GPALPP1: variants seen among roughly 807,000 people sequenced by gnomAD.
GPALPP1 encodes the protein GPALPP motifs containing 1.
A neutral mutation model predicts 38.9 loss-of-function variants in GPALPP1; 30 were observed. The ratio of observed to expected loss-of-function variants is 0.77; its 90% confidence interval spans 0.58 to 1.05. GPALPP1 has a LOEUF of 1.05. Ranked by LOEUF, GPALPP1 falls within the 50% of genes least tolerant of loss-of-function variation. The probability of loss-of-function intolerance (pLI) is 0.00; values close to 1 mark genes in which losing one functional copy is unlikely to be tolerated. For missense variants in GPALPP1, 384 were observed against 408.8 expected, an observed-to-expected ratio of 0.94 and a Z score of 0.52; for synonymous variants, 120 against 139.2, an observed-to-expected ratio of 0.86 and a Z score of 0.97.
intron 3 of GPALPP1, 72 bp downstream of exon 3, chr13:45,006,375 G>T: frequency 1.4e-6 from 1 of 725,784 alleles, no homozygotes; most frequent in Non-Finnish European, 2.3e-6. Context: ...ATGAATTAAA[G>T]AATTGTCTGA....
intron 7 of GPALPP1, among the ~76,000 whole-genome samples, chr13:45,021,730 C>A (rs542568419): frequency 2.4e-4 from 36 of 151,802 alleles, no homozygotes; most frequent in African/African-American, 8.4e-4. Flanking sequence ...AAAATGTAGA[C>A]CTGAATGACA....
At chr13:45,027,514 C>T (rs944658597) in intron 7 of GPALPP1, among the ~76,000 whole-genome samples, 2 of 152,180 alleles carry the variant, frequency 1.3e-5, no homozygotes, top group South Asian at 2.1e-4. Context: ...AAGACCAGCA[C>T]GTCTATGAAG....
intron 6 of GPALPP1, among the ~76,000 whole-genome samples, chr13:45,017,907 T>C (rs1874986782): frequency 6.6e-6 from 1 of 152,228 alleles, no homozygotes; most frequent in Non-Finnish European, 1.5e-5. Flanking sequence ...ACAAACTATA[T>C]AGTATCACAG....
At chr13:45,010,754 C>A (rs1346031860) in intron 4 of GPALPP1, among the ~76,000 whole-genome samples, 1 of 152,310 alleles carries the variant, frequency 6.6e-6, no homozygotes, top group South Asian at 2.1e-4. Context: ...GAGGCCAAGG[C>A]GGGTGGGTTG....
At chr13:44,995,996 A>G (rs764337434) in intron 1 of GPALPP1, among the ~76,000 whole-genome samples, 25 of 152,142 alleles carry the variant, frequency 1.6e-4, no homozygotes, top group Non-Finnish European at 2.6e-4. Flanking sequence ...GTAATCCCCA[A>G]TACTAGCAGG....
intron 4 of GPALPP1, among the ~76,000 whole-genome samples, chr13:45,010,295 C>T (rs1314614838): frequency 1.3e-5 from 2 of 152,126 alleles, no homozygotes; most frequent in African/African-American, 4.8e-5. Flanking sequence ...AGTTTTTTTG[C>T]TGGAATATTA....
chr13:45,004,196 G>A (rs541243255), intron 1 of GPALPP1, 109 bp from the exon 2 acceptor site: 1 of 815,492 alleles, frequency 1.2e-6, no homozygotes, highest in African/African-American at 1.7e-5. Context: ...AATAATAAAT[G>A]ATAGACAGCC....
intron 1 of GPALPP1, among the ~76,000 whole-genome samples, chr13:44,991,070 G>A (rs188591509): frequency 3.2e-4 from 49 of 151,696 alleles, no homozygotes; most frequent in African/African-American, 1.1e-3. Context: ...CCTGGGCGAC[G>A]GAACGAGAGT....
chr13:45,019,492 T>C (rs552617316), intron 6 of GPALPP1, among the ~76,000 whole-genome samples: 1 of 152,246 alleles, frequency 6.6e-6, no homozygotes, highest in East Asian at 1.9e-4. Context: ...CCTGCAACTT[T>C]GCTATACTTG....
In GPALPP1 at chr13:45,007,457, C is replaced by T. The variant is rs534069523; in HGVS notation, c.323+1154C>T. 2.2e-4 allele frequency among the ~76,000 whole-genome samples: 33 copies of T among 152,246 alleles called. No homozygotes were observed. In the South Asian group the frequency reaches 6.2e-3, roughly 29 times the overall value. On this transcript the variant is annotated intron_variant, in intron 3 of 7. Coordinates refer to ENST00000379151, the MANE Select transcript of GPALPP1 (RefSeq NM_018559.5). ...CAGTAATTTTATCACCACCAATCCC[C>T]TGAGGCCAGAAAGTTAAGCTATAAT... is the stretch of plus-strand genomic sequence containing the variant.
chr13:45,019,554 G>A lies in GPALPP1; in HGVS notation c.706-776G>A, dbSNP rs145350012. ...TAAATTCTTTGGAGTTTGCTACGCA[G>A]TTCACAGTTTGCTACACAGTGCTAG... is the stretch of plus-strand genomic sequence containing the variant. On this transcript the variant is annotated intron_variant, in intron 6 of 7. Transcript: ENST00000379151. Among the ~76,000 whole-genome samples the A allele has an allele frequency of 2.1e-3, 316 of 149,440 alleles. 2 individuals are homozygous for A. Among genetic ancestry groups the A allele is most frequent in the Admixed American group, 0.017 (252 of 15,036 alleles).
intron 1 of GPALPP1, among the ~76,000 whole-genome samples, chr13:44,994,348 C>T (rs1304924963): frequency 2.6e-5 from 4 of 151,856 alleles, no homozygotes; most frequent in East Asian, 1.9e-4. Flanking sequence ...TTTGGGAGGC[C>T]GAGGCGGGCG....
At chr13:45,020,309 T>A (rs962005365) in intron 6 of GPALPP1, 21 bp from the exon 7 acceptor site, 1 of 885,914 alleles carries the variant, frequency 1.1e-6, no homozygotes, top group South Asian at 1.4e-5. Flanking sequence ...CAGTAATGTG[T>A]TATCTGTGTT....
In GPALPP1 at chr13:44,989,608, A is replaced by T; in HGVS notation, c.-47A>T. The T allele has an allele frequency of 1.3e-6, 2 of 1,532,976 alleles. No homozygotes were observed. Among genetic ancestry groups the T allele is most frequent in the Non-Finnish European group, 1.8e-6 (2 of 1,109,222 alleles). The allele number at this position is 1,532,976 out of a possible 1,614,324, so 95.0% of individuals were successfully genotyped here. On this transcript the variant is annotated 5_prime_UTR_variant, in exon 1 of 8. Coordinates refer to ENST00000379151, the MANE Select transcript of GPALPP1 (RefSeq NM_018559.5). ...GCGGGATTCTTTTTGGATAGGGTTG[A>T]CGTTCGTGGATAGACTCATATCTGT...
chr13:45,033,002 A>C (rs979687210), downstream of GPALPP1, among the ~76,000 whole-genome samples: 1 of 150,450 alleles, frequency 6.6e-6, no homozygotes, highest in Non-Finnish European at 1.5e-5. Flanking sequence ...GCGCCACTGC[A>C]CTCCAGCCTG....
At chr13:45,004,034 G>C (rs1266287747) in intron 1 of GPALPP1, among the ~76,000 whole-genome samples, 2 of 151,656 alleles carry the variant, frequency 1.3e-5, no homozygotes, top group Non-Finnish European at 2.9e-5. Flanking sequence ...ACATGCTATT[G>C]CTATATCTAT....
downstream of GPALPP1, chr13:45,033,247 A>G (rs1289065835): frequency 6.6e-6 from 1 of 152,192 alleles, no homozygotes; most frequent in Non-Finnish European, 1.5e-5. Context: ...GATAGGTATT[A>G]TTAGAAAAAA....
intron 6 of GPALPP1, among the ~76,000 whole-genome samples, chr13:45,017,178 C>G (rs577686103): frequency 6.6e-6 from 1 of 152,292 alleles, no homozygotes; most frequent in East Asian, 1.9e-4. Flanking sequence ...TAGAAAGAGT[C>G]AAGAGCTCCT....
At chr13:44,996,518 C>G (rs1873287874) in intron 1 of GPALPP1, among the ~76,000 whole-genome samples, 1 of 150,748 alleles carries the variant, frequency 6.6e-6, no homozygotes, top group South Asian at 2.1e-4. Context: ...CAGCATCTCA[C>G]TGTCATCCTG....
Sources: allele counts gnomAD v4.1 joint callset (sites outside exome capture counted in the v4.1 genomes callset), GRCh38; gene constraint gnomAD v4.1.1; transcripts MANE v1.5; gene names NCBI Gene and HGNC (gene_info 2026-07-23, HGNC 2026-07-21).